Variants in CLEC3A observed in about 807,000 individuals in gnomAD.
The protein encoded by CLEC3A is C-type lectin domain family 3 member A.
CLEC3A carries 28 observed loss-of-function variants against 20.4 expected under a neutral mutation model. That is an observed-to-expected ratio of 1.37 (90% CI 1.02 to 1.88). CLEC3A has a LOEUF of 1.88. Among genes scored for constraint, CLEC3A ranks in the 40% most tolerant of loss-of-function variants. CLEC3A has a pLI of 0.00. For missense variants in CLEC3A, 357 were observed against 240.4 expected (o/e 1.48, Z -3.21); for synonymous variants, 110 against 88.1 (o/e 1.25, Z -1.39).
chr16:78,027,856 A>G (rs1003543901), intron 1 of CLEC3A, among the ~76,000 whole-genome samples: 2 of 152,126 alleles, frequency 1.3e-5, no homozygotes, highest in African/African-American at 4.8e-5. Flanking sequence ...GGGTTTTGCT[A>G]TGTTGGCCAG....
chr16:78,031,956 T>C lies in CLEC3A; in HGVS notation c.*1115T>C, dbSNP rs745310354. ...TTTTAGAAGCAAACAATTTTAAATATATTTTGTTCTTCAAATAAATAGTGT... is the reference window on the plus strand; with the variant it reads ...TTTTAGAAGCAAACAATTTTAAATACATTTTGTTCTTCAAATAAATAGTGT... On this transcript the variant is annotated 3_prime_UTR_variant, in exon 3 of 3. Coordinates refer to ENST00000299642, the MANE Select transcript of CLEC3A (RefSeq NM_005752.6). 1 of 152,642 alleles carries C rather than the reference T, an allele frequency of 6.6e-6. No homozygotes were observed. Among genetic ancestry groups the C allele is most frequent in the Non-Finnish European group, 1.5e-5 (1 of 68,034 alleles). The allele number at this position is 152,642 out of a possible 1,614,324, so 9.5% of individuals were successfully genotyped here.
chr16:78,022,676 T>G lies in CLEC3A; in HGVS notation c.50T>G (p.Leu17Arg), dbSNP rs765417463. 3 of 1,614,160 alleles carry G rather than the reference T, an allele frequency of 1.9e-6. 1 individual carries two copies. The South Asian group carries it at 3.3e-5, about 18-fold the overall frequency. Residue 17 changes from leucine (L) to arginine (R), a missense_variant, in exon 1 of 3, where the codon CTG becomes CGG. Physicochemically the swap from Leu to Arg is moderately radical, Grantham distance 102. Coordinates refer to ENST00000299642, the MANE Select transcript of CLEC3A (RefSeq NM_005752.6). Reference protein sequence around the residue: ...VICILVITLLLDQTTSHTSRL... With the variant: ...VICILVITLLRDQTTSHTSRL... ...TGCATCCTGGTGATCACCTTACTCC[T>G]GGACCAGACCACCAGCCACACATCC... is the stretch of plus-strand genomic sequence containing the variant.
chr16:78,027,986 A>G, intron 1 of CLEC3A, 121 bp from the exon 2 acceptor site: 1 of 740,978 alleles, frequency 1.3e-6, no homozygotes, highest in Non-Finnish European at 2.3e-6. Flanking sequence ...TTTTTTGTAT[A>G]CACTGGGCTC....
chr16:78,030,144 C>A (rs919177709), intron 2 of CLEC3A, among the ~76,000 whole-genome samples: 3 of 105,644 alleles, frequency 2.8e-5, no homozygotes, highest in East Asian at 5.7e-4. Context: ...CAGAGCGAGA[C>A]TCCAACTCAA....
At chr16:78,028,282 T>C (rs1415227819) in intron 2 of CLEC3A, 92 bp downstream of exon 2, 2 of 896,880 alleles carry the variant, frequency 2.2e-6, no homozygotes, top group Non-Finnish European at 3.3e-6. Context: ...AAAGAAACAT[T>C]GACAAATCAA....
intron 1 of CLEC3A, 43 bp from the exon 2 acceptor site, chr16:78,028,063 GC>G: frequency 7.8e-7 from 1 of 1,289,302 alleles, no homozygotes; most frequent in Non-Finnish European, 1.1e-6. Context: ...TTAATCATAC[GC>G]TTTTCATCCA....
intron 1 of CLEC3A, among the ~76,000 whole-genome samples, chr16:78,023,066 T>C (rs930314062): frequency 2.0e-5 from 3 of 152,190 alleles, no homozygotes; most frequent in Non-Finnish European, 4.4e-5. Flanking sequence ...GAAAATCTGG[T>C]GTTATTAATA....
Position 78,022,714 on chromosome 16 carries a change from A to G in CLEC3A, c.88A>G (p.Arg30Gly). The G allele has an allele frequency of 1.2e-6, 2 of 1,614,212 alleles. No homozygotes were observed. Among genetic ancestry groups the G allele is most frequent in the Non-Finnish European group, 1.7e-6 (2 of 1,180,046 alleles). The change falls in exon 1 of 3, where the codon AGG (arginine) becomes GGG (glycine). Residue 30 changes from arginine to glycine, a missense_variant. Coordinates refer to ENST00000299642, the MANE Select transcript of CLEC3A (RefSeq NM_005752.6). ...CAGCCACACATCCAGATTAAAAGCC[A>G]GGAAGCACAGCAAACGTCGAGTGAG... ...TTSHTSRLKA[R>G]KHSKRRVRDK... is the part of the protein sequence containing the mutation.
chr16:78,022,733 G>C lies in CLEC3A; in HGVS notation c.107G>C (p.Arg36Pro), dbSNP rs371883744. 1.9e-6 allele frequency: 3 copies of C among 1,614,010 alleles called. No homozygotes were observed. The highest frequency in any genetic ancestry group is 2.5e-6 in the Non-Finnish European group (3 of 1,180,032). Reference protein sequence around the residue: ...RLKARKHSKRRVRDKDGDLKT... With the variant: ...RLKARKHSKRPVRDKDGDLKT... Reference sequence around the variant, plus strand: ...AAAGCCAGGAAGCACAGCAAACGTCGAGTGAGAGGTAATGGGGCTTCTCAA... The same window carrying C: ...AAAGCCAGGAAGCACAGCAAACGTCCAGTGAGAGGTAATGGGGCTTCTCAA... The change falls in exon 1 of 3, where the codon CGA becomes CCA. Residue 36 changes from arginine (R) to proline (P), a missense_variant. Physicochemically the swap from Arg to Pro is moderately radical, Grantham distance 103. Transcript: ENST00000299642.
chr16:78,031,022 C>G lies in CLEC3A; in HGVS notation c.*181C>G. On this transcript the variant is annotated 3_prime_UTR_variant, in exon 3 of 3. Coordinates refer to ENST00000299642, the MANE Select transcript of CLEC3A (RefSeq NM_005752.6). ...CACATTTCTTTGGGATTTTGCCCTT[C>G]CTGGGGTATAGGGGATCAGAAATAT... The G allele has an allele frequency of 1.5e-6, 1 of 646,706 alleles. No homozygotes were observed. The highest frequency in any genetic ancestry group is 2.2e-5 in the South Asian group (1 of 46,098). 40.1% of individuals were successfully genotyped at this position (646,706 alleles called of 1,614,324 possible).
intron 1 of CLEC3A, among the ~76,000 whole-genome samples, chr16:78,023,748 G>T (rs533527852): frequency 6.6e-6 from 1 of 150,734 alleles, no homozygotes; most frequent in East Asian, 1.9e-4. Context: ...TAGGTCTGGT[G>T]CAAGGTTTCT....
intron 1 of CLEC3A, 126 bp downstream of exon 1, chr16:78,022,867 T>A: frequency 2.2e-6 from 2 of 915,050 alleles, no homozygotes; most frequent in Non-Finnish European, 3.2e-6. Flanking sequence ...ATCATCCCTA[T>A]ATGGCATTTC....
chr16:78,022,735 G>T lies in CLEC3A; in HGVS notation c.109G>T (p.Val37Leu), dbSNP rs754518138. The change falls in exon 1 of 3, where the codon GTG (valine) becomes TTG (leucine). Residue 37 changes from valine to leucine, a missense_variant. Physicochemically the swap from Val to Leu is conservative, Grantham distance 32. Coordinates refer to ENST00000299642, the MANE Select transcript of CLEC3A (RefSeq NM_005752.6). ...AGCCAGGAAGCACAGCAAACGTCGA[G>T]TGAGAGGTAATGGGGCTTCTCAATC... ...LKARKHSKRRVRDKDGDLKTQ... is the reference protein window; with the variant it reads ...LKARKHSKRRLRDKDGDLKTQ... 3 of 1,614,044 alleles carry T rather than the reference G, an allele frequency of 1.9e-6. No individual in the cohort carries two copies. Among genetic ancestry groups the T allele is most frequent in the Admixed American group, 3.3e-5 (2 of 59,996 alleles).
chr16:78,027,334 A>AT (rs2029954792), intron 1 of CLEC3A, among the ~76,000 whole-genome samples: 1 of 152,254 alleles, frequency 6.6e-6, no homozygotes, highest in African/African-American at 2.4e-5. Context: ...AGCAGAAGGG[A>AT]TACTAAATTA....
chr16:78,023,796 C>A (rs1438182932), intron 1 of CLEC3A, among the ~76,000 whole-genome samples: 1 of 148,408 alleles, frequency 6.7e-6, no homozygotes, highest in African/African-American at 2.5e-5. Context: ...CTCGCTCTGT[C>A]GCCCAGGCTG....
chr16:78,024,985 C>T (rs1212330492), intron 1 of CLEC3A, among the ~76,000 whole-genome samples: 2 of 152,100 alleles, frequency 1.3e-5, no homozygotes, highest in African/African-American at 4.8e-5. Flanking sequence ...CGCCACCATG[C>T]CCAGCTGATA....
At chr16:78,024,345 T>G (rs2018785888) in intron 1 of CLEC3A, among the ~76,000 whole-genome samples, 1 of 152,090 alleles carries the variant, frequency 6.6e-6, no homozygotes, top group African/African-American at 2.4e-5. Context: ...TGGGTGTTTC[T>G]GAAGTAATCG....
chr16:78,029,060 C>T (rs1415596837), intron 2 of CLEC3A: 1 of 450,140 alleles, frequency 2.2e-6, no homozygotes, highest in Non-Finnish European at 4.5e-6. Context: ...ACTAGAAATT[C>T]TTTATAAACA....
rs754276526 is a variant in CLEC3A, at chr16:78,028,091, C to G, written c.116-16C>G. ...TTTCATCCACCTACCCCATCCCACC[C>G]TAAAATTTTCCCCAGACAAGGATGG... On this transcript the variant is annotated splice_polypyrimidine_tract_variant and intron_variant, in intron 1 of 2. Transcript: ENST00000299642. The G allele has an allele frequency of 6.9e-6, 11 of 1,596,130 alleles. No individual in the cohort carries two copies. In the Admixed American group the frequency reaches 1.9e-4, roughly 28 times the overall value.
Sources: allele counts gnomAD v4.1 joint callset (sites outside exome capture counted in the v4.1 genomes callset), GRCh38; gene constraint gnomAD v4.1.1; transcripts MANE v1.5; gene names NCBI Gene and HGNC (gene_info 2026-07-23, HGNC 2026-07-21).